The following CALD1 variants were observed in gnomAD, a reference collection of about 807,000 sequenced individuals.
CALD1 encodes caldesmon 1, also known as caldesmon.
Under a neutral mutation model 99.9 loss-of-function variants are expected in CALD1, and 33 were observed. That is an observed-to-expected ratio of 0.33 (90% CI 0.25 to 0.44). CALD1 has a LOEUF of 0.44. Ranked by LOEUF, CALD1 falls within the 20% of genes least tolerant of loss-of-function variation. The probability of loss-of-function intolerance (pLI) is 1.00; values close to 1 mark genes in which losing one functional copy is unlikely to be tolerated. For synonymous variants in CALD1, 310 were observed against 325.0 expected, an observed-to-expected ratio of 0.95 and a Z score of 0.50; for missense variants, 861 against 962.1, an observed-to-expected ratio of 0.89 and a Z score of 1.39.
intron 3 of CALD1, among the ~76,000 whole-genome samples, chr7:134,908,020 C>G (rs766190236): frequency 6.6e-6 from 1 of 152,162 alleles, no homozygotes; most frequent in African/African-American, 2.4e-5. Context: ...GTAGAACAGA[C>G]TGCTAAGAAT....
intron 1 of CALD1, among the ~76,000 whole-genome samples, chr7:134,780,550 T>C (rs1797066687): frequency 6.6e-6 from 1 of 152,160 alleles, no homozygotes; most frequent in African/African-American, 2.4e-5. Context: ...CGATTGGCAA[T>C]GTGTTTCAGA....
At chr7:134,715,333 A>G in the CALD1 span, among the ~76,000 whole-genome samples, 18,269 of 152,198 alleles carry the variant, frequency 0.12, 1,338 homozygotes, top group Non-Finnish European at 0.17. Context: ...AATGTCTTAC[A>G]GTTGTGTCTT....
chr7:134,868,378 G>A (rs908703163), intron 3 of CALD1: 1 of 152,240 alleles, frequency 6.6e-6, no homozygotes, highest in African/African-American at 2.4e-5. Context: ...TGGTGGCTAT[G>A]AGGTCAAATT....
intron 1 of CALD1, among the ~76,000 whole-genome samples, chr7:134,820,982 T>C (rs749161842): frequency 7.9e-5 from 12 of 152,172 alleles, no homozygotes; most frequent in Non-Finnish European, 1.5e-4. Context: ...ATGCAAACTA[T>C]TTACTTCCCC....
chr7:134,843,970 CTG>C lies in CALD1; in HGVS notation c.-42+2_-42+3del, dbSNP rs1410632731. On this transcript the variant is annotated splice_donor_variant and 5_prime_UTR_variant, in exon 2 of 15. Transcript: ENST00000361675. LOFTEE classifies it low-confidence loss of function (5UTR_SPLICE). ...AAGGCTCAGACATCTGATTGCTGAC[CTG>C]TGAGTAAAGTTTATGTTTTATTAAT... 1 of 152,132 alleles carries C rather than the reference CTG, an allele frequency of 6.6e-6. No individual in the cohort carries two copies. The highest frequency in any genetic ancestry group is 1.5e-5 in the Non-Finnish European group (1 of 68,042). 9.4% of individuals were successfully genotyped at this position (152,132 alleles called of 1,614,324 possible).
At chr7:134,935,828 A>C (rs1460188251) in intron 6 of CALD1, 63 bp downstream of exon 6, 1 of 1,495,248 alleles carries the variant, frequency 6.7e-7, no homozygotes, top group Non-Finnish European at 9.0e-7. Flanking sequence ...GTTCCAAGAT[A>C]TCTCAGGTCT....
chr7:134,758,704 A>G (rs934557805), intron 1 of CALD1, among the ~76,000 whole-genome samples: 1 of 151,698 alleles, frequency 6.6e-6, no homozygotes, highest in East Asian at 1.9e-4. Context: ...TTTAAGTAAC[A>G]TTTACTTATT....
chr7:134,849,764 A>G (rs1313077743), intron 2 of CALD1, among the ~76,000 whole-genome samples: 1 of 152,248 alleles, frequency 6.6e-6, no homozygotes, highest in Non-Finnish European at 1.5e-5. Flanking sequence ...ATGAGAGACC[A>G]GAAGCCAATT....
Position 134,958,079 on chromosome 7 carries a change from G to A in CALD1, c.1946G>A (p.Arg649Gln). 2 of 1,606,472 alleles carry A rather than the reference G, an allele frequency of 1.2e-6. No homozygotes were observed. The change falls in exon 10 of 15, where the codon CGA becomes CAA. Residue 649 changes from arginine (R) to glutamine (Q), a missense_variant. By Grantham distance (43) the Arg-to-Gln change is conservative. Coordinates refer to ENST00000361675, the MANE Select transcript of CALD1 (RefSeq NM_033138.4). ...PKGSSLKIEE[R>Q]AEFLNKSVQK... ...TTTTGTAATTCCTAGATAGAAGAGC[G>A]AGCAGAATTTTTGAATAAGTCTGTG...
chr7:134,778,540 G>A (rs1001699923), upstream of CALD1, among the ~76,000 whole-genome samples: 1 of 152,180 alleles, frequency 6.6e-6, no homozygotes, highest in Non-Finnish European at 1.5e-5. Context: ...TCCAAAAAAA[G>A]GGGATTTCAA....
chr7:134,899,238 C>T (rs1802800912), intron 3 of CALD1, among the ~76,000 whole-genome samples: 1 of 147,638 alleles, frequency 6.8e-6, no homozygotes. Flanking sequence ...TAGAGTTTCA[C>T]TCTTGTTGAG....
chr7:134,962,166 T>G (rs1808317328), intron 13 of CALD1: 1 of 152,070 alleles, frequency 6.6e-6, no homozygotes, highest in African/African-American at 2.4e-5. Context: ...ACTCAAAAAT[T>G]TGATCCAGAA....
chr7:134,823,736 G>A (rs372245579), intron 1 of CALD1, among the ~76,000 whole-genome samples: 1 of 152,246 alleles, frequency 6.6e-6, no homozygotes, highest in African/African-American at 2.4e-5. Flanking sequence ...TGGAGCCTTT[G>A]ATGTCTGACT....
chr7:134,861,008 G>T (rs1204698088), intron 2 of CALD1, among the ~76,000 whole-genome samples: 1 of 152,164 alleles, frequency 6.6e-6, no homozygotes, highest in African/African-American at 2.4e-5. Context: ...TGAAAGGAAG[G>T]TTAATGGTTT....
chr7:134,873,557 G>GC (rs1218918020), intron 3 of CALD1, among the ~76,000 whole-genome samples: 1 of 152,210 alleles, frequency 6.6e-6, no homozygotes, highest in Non-Finnish European at 1.5e-5. Flanking sequence ...ACGGACCGCC[G>GC]CCGGCCCCAG....
chr7:134,896,043 A>G (rs939231571), intron 3 of CALD1, among the ~76,000 whole-genome samples: 3 of 152,046 alleles, frequency 2.0e-5, no homozygotes, highest in African/African-American at 7.2e-5. Context: ...CTTCCCGCCA[A>G]ACTACTCACC....
intron 1 of CALD1, among the ~76,000 whole-genome samples, chr7:134,761,699 C>A (rs1796779741): frequency 6.6e-6 from 1 of 152,128 alleles, no homozygotes. Flanking sequence ...CTTCCTGTGT[C>A]CTGAGGTCAG....
At position 134,745,756 on chromosome 7, in the gene CALD1, T is replaced by C. The variant is rs564121783; in HGVS notation, c.-130+1393T>C. Among the ~76,000 whole-genome samples, 5 of 152,338 alleles carry C rather than the reference T, an allele frequency of 3.3e-5. No homozygotes were observed. The East Asian group carries it at 9.6e-4, about 29-fold the overall frequency. ...ACTTTAGAAATAGCAACTTAAAATA[T>C]ACTTCATCTTCTTTTAATGTCCCAG... is the stretch of plus-strand genomic sequence containing the variant. On this transcript the variant is annotated intron_variant, in intron 1 of 13. Transcript: ENST00000417172.
intron 3 of CALD1, among the ~76,000 whole-genome samples, chr7:134,919,376 A>T (rs2132789333): frequency 6.6e-6 from 1 of 152,316 alleles, no homozygotes; most frequent in Middle Eastern, 3.4e-3. Context: ...GTATGTGTAG[A>T]CACAAGAAGA....
Sources: gnomAD v4.1 joint callset for allele counts (sites outside exome capture counted in the v4.1 genomes callset) on GRCh38, gnomAD v4.1.1 for gene constraint, MANE v1.5 for transcripts, NCBI Gene and HGNC (gene_info 2026-07-23, HGNC 2026-07-21) for gene names.